Variants in ZNF283 observed in about 807,000 individuals in gnomAD.
ZNF283 encodes the protein zinc finger protein 41.
Under a neutral mutation model 9.2 loss-of-function variants are expected in ZNF283, and 10 were observed. That is an observed-to-expected ratio of 1.09 (90% CI 0.67 to 1.85). The LOEUF (loss-of-function observed/expected upper bound fraction) is 1.85. Ranked by LOEUF, ZNF283 falls within the 40% of genes most tolerant of loss-of-function variation. ZNF283 has a pLI of 0.00. For missense variants in ZNF283, 631 were observed against 760.1 expected (o/e 0.83, Z 2.00); for synonymous variants, 234 against 244.1 (o/e 0.96, Z 0.38).
chr19:43,839,091 C>T (rs7253384), intron 6 of ZNF283, among the ~76,000 whole-genome samples: 55,674 of 152,050 alleles, frequency 0.37, 10,607 homozygotes, highest in South Asian at 0.55. Context: ...TCACTTTAGT[C>T]TGAAACACTC....
chr19:43,845,658 T>A (rs1971373759), intron 6 of ZNF283, among the ~76,000 whole-genome samples: 1 of 152,172 alleles, frequency 6.6e-6, no homozygotes, highest in Non-Finnish European at 1.5e-5. Context: ...TTATGCAGAT[T>A]TATTTTCTTC....
chr19:43,829,899 T>A (rs1256206588), intron 2 of ZNF283, among the ~76,000 whole-genome samples: 1 of 152,060 alleles, frequency 6.6e-6, no homozygotes, highest in Non-Finnish European at 1.5e-5. Flanking sequence ...GGCGGGTGGC[T>A]GTAGTCCCAG....
chr19:43,847,523 C>G lies in ZNF283; in HGVS notation c.922C>G (p.Gln308Glu), dbSNP rs371059248. ...CTTTAGTCGTGGCTATCACCTTACC[C>G]AACATCAGAAAATTCATACTGGTGT... ...KAFSRGYHLT[Q>E]HQKIHTGVKS... The change falls in exon 7 of 7, where the codon CAA (glutamine) becomes GAA (glutamate). Residue 308 changes from glutamine (Q) to glutamate (E), a missense_variant. Coordinates refer to ENST00000618787, the MANE Select transcript of ZNF283 (RefSeq NM_181845.2). The G allele has an allele frequency of 3.1e-6, 5 of 1,602,554 alleles. No homozygotes were observed. The highest frequency in any genetic ancestry group is 4.3e-6 in the Non-Finnish European group (5 of 1,171,798).
intron 3 of ZNF283, among the ~76,000 whole-genome samples, chr19:43,832,765 C>CA (rs1020082607): frequency 6.6e-6 from 1 of 152,054 alleles, no homozygotes; most frequent in Non-Finnish European, 1.5e-5. Flanking sequence ...CCTGTAATCC[C>CA]AGCACTTTGG....
chr19:43,829,564 A>T (rs1452923754), intron 2 of ZNF283, among the ~76,000 whole-genome samples: 1 of 152,172 alleles, frequency 6.6e-6, no homozygotes, highest in Non-Finnish European at 1.5e-5. Context: ...ATGTAAGATG[A>T]GATATTATAT....
intron 3 of ZNF283, 150 bp from the exon 4 acceptor site, chr19:43,833,355 G>C: frequency 6.2e-6 from 1 of 162,518 alleles, no homozygotes; most frequent in Non-Finnish European, 1.4e-5. Context: ...ATGAGGATAT[G>C]GTGGGCCATA....
Position 43,847,902 on chromosome 19 carries a change from A to G in ZNF283, c.1301A>G (p.Lys434Arg). Residue 434 changes from lysine to arginine, a missense_variant, in exon 7 of 7, where the codon AAA (lysine) becomes AGA (arginine). This residue lies in a region of ZNF283 where 444 missense variants were observed against 522.5 expected (regional missense o/e 0.85). Transcript: ENST00000618787. ...IHTGEKPYEC[K>R]ECGKAFSRGY... Reference sequence around the variant, plus strand: ...ACTGGTGAGAAACCTTATGAATGTAAAGAATGTGGAAAGGCCTTTAGTCGT... The same window carrying G: ...ACTGGTGAGAAACCTTATGAATGTAGAGAATGTGGAAAGGCCTTTAGTCGT... The G allele has an allele frequency of 1.2e-6, 2 of 1,613,574 alleles. No homozygotes were observed. The highest frequency in any genetic ancestry group is 1.7e-6 in the Non-Finnish European group (2 of 1,179,876).
At position 43,847,908 on chromosome 19, in the gene ZNF283, G is replaced by A; in HGVS notation, c.1307G>A (p.Cys436Tyr). Reference sequence around the variant, plus strand: ...GAGAAACCTTATGAATGTAAAGAATGTGGAAAGGCCTTTAGTCGTGGCTAT... The same window carrying A: ...GAGAAACCTTATGAATGTAAAGAATATGGAAAGGCCTTTAGTCGTGGCTAT... ...TGEKPYECKE[C>Y]GKAFSRGYHL... The change falls in exon 7 of 7, where the codon TGT becomes TAT. Residue 436 changes from cysteine to tyrosine, a missense_variant. Physicochemically the swap from Cys to Tyr is radical, Grantham distance 194. Coordinates refer to ENST00000618787, the MANE Select transcript of ZNF283 (RefSeq NM_181845.2). 1 of 1,613,640 alleles carries A rather than the reference G, an allele frequency of 6.2e-7. No individual in the cohort carries two copies. The highest frequency in any genetic ancestry group is 8.5e-7 in the Non-Finnish European group (1 of 1,179,868).
intron 2 of ZNF283, among the ~76,000 whole-genome samples, chr19:43,830,173 C>T (rs1232184479): frequency 6.6e-6 from 1 of 152,186 alleles, no homozygotes; most frequent in Admixed American, 6.5e-5. Flanking sequence ...CTCCTAGGCT[C>T]AAGCGATCCT....
rs75445783 is a variant in ZNF283, at chr19:43,846,375, G to T, written c.338-564G>T. Among the ~76,000 whole-genome samples the T allele has an allele frequency of 1.7e-4, 26 of 152,182 alleles. No homozygotes were observed. The East Asian group carries it at 4.6e-3, about 27-fold the overall frequency. Reference sequence around the variant, plus strand: ...TTTACAATTGTGAACATTTATGAAAGCAATGTTTGCTTTATCTCAGGGGTT... The same window carrying T: ...TTTACAATTGTGAACATTTATGAAATCAATGTTTGCTTTATCTCAGGGGTT... On this transcript the variant is annotated intron_variant, in intron 6 of 6. Coordinates refer to ENST00000618787, the MANE Select transcript of ZNF283 (RefSeq NM_181845.2).
chr19:43,847,797 G>A lies in ZNF283; in HGVS notation c.1196G>A (p.Gly399Asp), dbSNP rs1568425213. Residue 399 changes from glycine (G) to aspartate (D), a missense_variant, in exon 7 of 7, where the codon GGT (glycine) becomes GAT (aspartate). Coordinates refer to ENST00000618787, the MANE Select transcript of ZNF283 (RefSeq NM_181845.2). ...ACTCGACATCAGATATTTCATACTG[G>A]TGAGAAACCCTATGAATGCAAGGAA... is the stretch of plus-strand genomic sequence containing the variant. ...QLTRHQIFHTGEKPYECKECG... is the reference protein window; with the variant it reads ...QLTRHQIFHTDEKPYECKECG... The A allele has an allele frequency of 1.2e-6, 2 of 1,613,854 alleles. No individual in the cohort carries two copies. Among genetic ancestry groups the A allele is most frequent in the Non-Finnish European group, 1.7e-6 (2 of 1,179,906 alleles).
At position 43,851,610 on chromosome 19, in the gene ZNF283, G is replaced by T. The variant is rs1964381; in HGVS notation, c.*2969G>T. 61,548 of 152,108 alleles carry T rather than the reference G, an allele frequency of 0.4. 12,880 individuals carry two copies. Among genetic ancestry groups the T allele is most frequent in the South Asian group, 0.55 (2,648 of 4,814 alleles). The allele number at this position is 152,108 out of a possible 1,614,324, so 9.4% of individuals were successfully genotyped here. ...GGGCGCCTGTGGTCCCAGCTACTCG[G>T]GGAGGCTGAGGCAGGAGAATGGCGT... On this transcript the variant is annotated 3_prime_UTR_variant, in exon 7 of 7. Transcript: ENST00000618787.
intron 5 of ZNF283, 115 bp from the exon 6 acceptor site, chr19:43,836,938 C>CTACT (rs1971005352): frequency 8.7e-7 from 1 of 1,155,056 alleles, no homozygotes; most frequent in African/African-American, 1.6e-5. Context: ...GGCTTTCAGC[C>CTACT]TACTCGATTG....
Position 43,846,969 on chromosome 19 carries a change from A to G in ZNF283, c.368A>G (p.Lys123Arg), listed in dbSNP as rs931074508. 2 of 1,583,178 alleles carry G rather than the reference A, an allele frequency of 1.3e-6. No homozygotes were observed. The highest frequency in any genetic ancestry group is 3.7e-5 in the Admixed American group (2 of 54,374). Residue 123 changes from lysine to arginine, a missense_variant, in exon 7 of 7, where the codon AAA becomes AGA. Coordinates refer to ENST00000618787, the MANE Select transcript of ZNF283 (RefSeq NM_181845.2). ...DLESKTYETK[K>R]IFSENDIFEI... is the part of the protein sequence containing the mutation. The stretch of plus-strand genomic sequence containing the variant: ...GAGTCAAAAACGTATGAGACCAAAA[A>G]AATATTTTCAGAAAATGATATTTTT...
rs988821083 is a variant in ZNF283 at position 43,851,961 on chromosome 19, T to C, written c.*3320T>C. ...ATGGTCTCAGTTATGAGTGAAAATCTTTGTTGTAGCTAAGTAGTGGTGCCT... is the reference window on the plus strand; with the variant it reads ...ATGGTCTCAGTTATGAGTGAAAATCCTTGTTGTAGCTAAGTAGTGGTGCCT... On this transcript the variant is annotated 3_prime_UTR_variant, in exon 7 of 7. Coordinates refer to ENST00000618787, the MANE Select transcript of ZNF283 (RefSeq NM_181845.2). 3 of 152,212 alleles carry C rather than the reference T, an allele frequency of 2.0e-5. No homozygotes were observed. The highest frequency in any genetic ancestry group is 2.0e-4 in the Admixed American group (3 of 15,284). The allele number at this position is 152,212 out of a possible 1,614,324, so 9.4% of individuals were successfully genotyped here. A position where few individuals can be genotyped will look rare whatever the true frequency, so the allele number is the denominator to read the frequency against.
intron 2 of ZNF283, 52 bp downstream of exon 2, chr19:43,828,333 G>A (rs1490461236): frequency 2.0e-5 from 3 of 152,104 alleles, no homozygotes. Flanking sequence ...AATTACCTTT[G>A]CTTCTAGGTC....
intron 2 of ZNF283, among the ~76,000 whole-genome samples, chr19:43,830,901 TAAAAAAAAAAAAAA>T (rs367850643): frequency 1.5e-4 from 11 of 73,838 alleles, no homozygotes; most frequent in Admixed American, 6.7e-4. Context: ...AGACTCCATC[TAAAAAAAAAAAAAA>T]AAAAAAAAAA....
chr19:43,846,891 TTCC>T, intron 6 of ZNF283, 45 bp from the exon 7 acceptor site: 2 of 1,225,338 alleles, frequency 1.6e-6, no homozygotes, highest in Non-Finnish European at 2.1e-6. Context: ...TTTTTTTTTT[TTCC>T]CTAGTGAAGG....
At chr19:43,841,567 G>A (rs1971213490) in intron 6 of ZNF283, 1 of 151,774 alleles carries the variant, frequency 6.6e-6, no homozygotes, top group African/African-American at 2.4e-5. Context: ...AAAATAGCTG[G>A]GATTACAGTC....
Sources: gnomAD v4.1 joint callset for allele counts (sites outside exome capture counted in the v4.1 genomes callset) on GRCh38, gnomAD v4.1.1 for gene constraint, gnomAD v4.1.1 regional missense constraint, MANE v1.5 for transcripts, NCBI Gene and HGNC (gene_info 2026-07-23, HGNC 2026-07-21) for gene names.